Variants in SESTD1 observed in about 807,000 individuals in gnomAD.
SESTD1 encodes SEC14 domain and spectrin repeat-containing protein 1.
A neutral mutation model predicts 101.7 loss-of-function variants in SESTD1; 43 were observed. The observed-to-expected ratio is 0.42, with a 90% confidence interval of 0.33 to 0.55. The LOEUF (loss-of-function observed/expected upper bound fraction) is 0.55, where lower values mean the gene tolerates loss of function less well. SESTD1 is among the 20% of genes least tolerant of loss of function. The pLI is 0.07. For missense variants in SESTD1, 647 were observed against 815.1 expected, an observed-to-expected ratio of 0.79 and a Z score of 2.51; for synonymous variants, 283 against 286.8, an observed-to-expected ratio of 0.99 and a Z score of 0.13.
intron 1 of SESTD1, among the ~76,000 whole-genome samples, chr2:179,197,459 C>T (rs1384634223): frequency 1.3e-5 from 2 of 152,068 alleles, no homozygotes; most frequent in Admixed American, 6.5e-5. Context: ...ATACAGAGAA[C>T]ACCACAAAGA....
intron 17 of SESTD1, among the ~76,000 whole-genome samples, chr2:179,111,504 G>T (rs959480676): frequency 4.6e-5 from 7 of 152,166 alleles, no homozygotes; most frequent in Non-Finnish European, 7.4e-5. Context: ...TAAGTGGCTT[G>T]CCCAAGGTGT....
At chr2:179,153,589 T>C (rs1383867499) in intron 5 of SESTD1, among the ~76,000 whole-genome samples, 1 of 152,196 alleles carries the variant, frequency 6.6e-6, no homozygotes, top group African/African-American at 2.4e-5. Context: ...TTTGTAGAAA[T>C]GTATGTTCCT....
At chr2:179,192,851 T>C (rs545078178) in intron 1 of SESTD1, among the ~76,000 whole-genome samples, 61 of 152,338 alleles carry the variant, frequency 4.0e-4, no homozygotes, top group African/African-American at 1.3e-3. Context: ...TCACATTTTA[T>C]CCCTTCCTCC....
chr2:179,112,681 AC>A (rs1285391465), intron 17 of SESTD1, 42 bp downstream of exon 17: 1 of 1,540,644 alleles, frequency 6.5e-7, no homozygotes, highest in Non-Finnish European at 8.7e-7. Context: ...TCACTTTAAG[AC>A]CACACCAATA....
chr2:179,219,342 A>C (rs2046770478), intron 1 of SESTD1, among the ~76,000 whole-genome samples: 1 of 152,232 alleles, frequency 6.6e-6, no homozygotes, highest in Non-Finnish European at 1.5e-5. Context: ...TTATTTGGAA[A>C]ATTTAGTTAA....
chr2:179,114,792 A>C (rs1405684614), intron 16 of SESTD1, among the ~76,000 whole-genome samples: 6 of 152,210 alleles, frequency 3.9e-5, no homozygotes, highest in African/African-American at 1.4e-4. Context: ...TATTCTGGAC[A>C]CCAGGCTTGG....
At chr2:179,196,893 CA>C (rs2046406613) in intron 1 of SESTD1, among the ~76,000 whole-genome samples, 1 of 152,198 alleles carries the variant, frequency 6.6e-6, no homozygotes, top group African/African-American at 2.4e-5. Context: ...CTCTGAAAAG[CA>C]GAGCGCCTCT....
At chr2:179,162,374 G>A (rs2045752729) in intron 5 of SESTD1, 1 of 151,998 alleles carries the variant, frequency 6.6e-6, no homozygotes, top group Non-Finnish European at 1.5e-5. Context: ...CTCTTGGCTT[G>A]GAATACAAAG....
At chr2:179,225,699 A>C (rs2046875331) in intron 1 of SESTD1, among the ~76,000 whole-genome samples, 1 of 152,104 alleles carries the variant, frequency 6.6e-6, no homozygotes, top group South Asian at 2.1e-4. Context: ...GAAAGATGGG[A>C]GGGCAAAAAG....
chr2:179,226,681 T>C (rs530231897), intron 1 of SESTD1, among the ~76,000 whole-genome samples: 1 of 152,310 alleles, frequency 6.6e-6, no homozygotes, highest in African/African-American at 2.4e-5. Context: ...GCATGATGCA[T>C]ATTAACACTA....
At chr2:179,172,842 T>G (rs553041896) in intron 4 of SESTD1, among the ~76,000 whole-genome samples, 2 of 152,246 alleles carry the variant, frequency 1.3e-5, no homozygotes, top group Non-Finnish European at 2.9e-5. Flanking sequence ...TATCAAGTCC[T>G]ATAGAGTCTA....
intron 9 of SESTD1, among the ~76,000 whole-genome samples, chr2:179,141,553 G>A (rs2045275774): frequency 6.6e-6 from 1 of 151,322 alleles, no homozygotes; most frequent in South Asian, 2.1e-4. Context: ...ATTAATAGAA[G>A]ACTCATTATG....
rs2046962437 is a variant in SESTD1 at position 179,230,113 on chromosome 2, C to CTCTT, written c.-26+34385_-26+34386insAAGA. Among the ~76,000 whole-genome samples, 2 of 56,404 alleles carry CTCTT rather than the reference C, an allele frequency of 3.5e-5. 1 individual carries two copies. The highest frequency in any genetic ancestry group is 1.3e-3 in the South Asian group (2 of 1,554). The allele number at this position is 56,404 out of a possible 152,430, so 37.0% of individuals were successfully genotyped here. ...AAATATTCCAAACTGGATTGTATCT[C>CTCTT]TTTTTTTTTTTTTTTTTTTTTTTTT... On this transcript the variant is annotated intron_variant, in intron 1 of 17. Transcript: ENST00000428443.
At chr2:179,129,584 T>C (rs901225623) in intron 10 of SESTD1, among the ~76,000 whole-genome samples, 2 of 152,210 alleles carry the variant, frequency 1.3e-5, no homozygotes, top group Admixed American at 1.3e-4. Flanking sequence ...ATTTAATATA[T>C]GACATTGAGC....
intron 1 of SESTD1, among the ~76,000 whole-genome samples, chr2:179,228,818 C>G (rs1411197472): frequency 1.3e-5 from 2 of 152,132 alleles, no homozygotes; most frequent in African/African-American, 4.8e-5. Flanking sequence ...AAGTAGAAAA[C>G]ATAAACTCCA....
chr2:179,127,719 T>C (rs2044906940), intron 10 of SESTD1, among the ~76,000 whole-genome samples: 1 of 152,236 alleles, frequency 6.6e-6, no homozygotes, highest in Non-Finnish European at 1.5e-5. Flanking sequence ...GAAATCCTCC[T>C]ATATCCAATG....
chr2:179,177,995 G>C (rs752920421), intron 3 of SESTD1, among the ~76,000 whole-genome samples: 2 of 152,164 alleles, frequency 1.3e-5, no homozygotes, highest in Non-Finnish European at 2.9e-5. Flanking sequence ...GTCCAGAATA[G>C]GCAAATCTAG....
In SESTD1 at chr2:179,109,932, C is replaced by T. The variant is rs768522753; in HGVS notation, c.2058G>A (p.Leu686=). ...CTGTGGTCACCATTTCAGGATGTCT[C>T]AGCTGCTGCCTTTTGAGATTAACTA... ...MKLVNLKRQQ[L]RHPEMVTTES Residue 686 remains leucine (L), a synonymous_variant, in exon 18 of 18, where the codon CTG becomes CTA. Coordinates refer to ENST00000428443, the MANE Select transcript of SESTD1 (RefSeq NM_178123.5). The T allele has an allele frequency of 6.2e-7, 1 of 1,613,924 alleles. No homozygotes were observed. The highest frequency in any genetic ancestry group is 8.5e-7 in the Non-Finnish European group (1 of 1,179,908).
intron 13 of SESTD1, 22 bp from the exon 14 acceptor site, chr2:179,117,635 T>C: frequency 6.5e-7 from 1 of 1,538,676 alleles, no homozygotes; most frequent in Non-Finnish European, 8.7e-7. Context: ...AAACATAAAT[T>C]TAACTCATCA....
Sources: gnomAD v4.1 joint callset for allele counts (sites outside exome capture counted in the v4.1 genomes callset) on GRCh38, gnomAD v4.1.1 for gene constraint, MANE v1.5 for transcripts, NCBI Gene and HGNC (gene_info 2026-07-23, HGNC 2026-07-21) for gene names.